The following ANKS1B variants were observed in gnomAD, a reference collection of about 807,000 sequenced individuals.
ANKS1B encodes the protein ankyrin repeat and sterile alpha motif domain containing 1B, also known as ankyrin repeat and sterile alpha motif domain-containing protein 1B.
A neutral mutation model predicts 148.3 loss-of-function variants in ANKS1B; 36 were observed. The ratio of observed to expected loss-of-function variants is 0.24; its 90% confidence interval spans 0.19 to 0.32. The LOEUF (loss-of-function observed/expected upper bound fraction) is 0.32. Among genes scored for constraint, ANKS1B ranks in the 10% least tolerant of loss-of-function variants. The pLI is 1.00. For synonymous variants in ANKS1B, 542 were observed against 560.8 expected (o/e 0.97, Z 0.47); for missense variants, 1,157 against 1,542.6 (o/e 0.75, Z 4.19).
chr12:99,464,611 C>G (rs1320519988), intron 10 of ANKS1B, among the ~76,000 whole-genome samples: 2 of 152,134 alleles, frequency 1.3e-5, no homozygotes, highest in East Asian at 3.9e-4. Flanking sequence ...GTTGATGGAG[C>G]TGAAAGCCAA....
At chr12:99,567,607 A>G (rs1490624018) in intron 9 of ANKS1B, among the ~76,000 whole-genome samples, 1 of 152,206 alleles carries the variant, frequency 6.6e-6, no homozygotes, top group East Asian at 1.9e-4. Flanking sequence ...AGTGGGTAAG[A>G]AAAGGTCCCT....
chr12:99,263,655 G>A lies in ANKS1B; in HGVS notation c.1757-16791C>T, dbSNP rs1255423740. Among the ~76,000 whole-genome samples the A allele has an allele frequency of 2.0e-5, 3 of 152,046 alleles. No homozygotes were observed. The South Asian group carries it at 6.2e-4, about 32-fold the overall frequency. On this transcript the variant is annotated intron_variant, in intron 12 of 26. Coordinates refer to ENST00000683438, the MANE Select transcript of ANKS1B (RefSeq NM_001352186.2). ...CCCCACTTGATTGGATCATGGGGGT[G>A]GTTTCCCCCATGCTGTTCTCATGAC...
chr12:98,792,652 C>A (rs2098890294), intron 22 of ANKS1B, among the ~76,000 whole-genome samples: 1 of 152,176 alleles, frequency 6.6e-6, no homozygotes, highest in Non-Finnish European at 1.5e-5. Flanking sequence ...CTATTCTCTA[C>A]TTGTATGAGA....
In ANKS1B at chr12:99,217,608, G is replaced by T. The variant is rs1473858940; in HGVS notation, c.2419+26734C>A. Among the ~76,000 whole-genome samples the T allele has an allele frequency of 3.3e-5, 5 of 152,080 alleles. No homozygotes were observed. The East Asian group carries it at 9.7e-4, about 29-fold the overall frequency. ...CACATTCCACCAGCAAAGTCCAGAG[G>T]CAGCATTTTGAATAGACCTGGTCCC... On this transcript the variant is annotated intron_variant, in intron 14 of 26. Coordinates refer to ENST00000683438, the MANE Select transcript of ANKS1B (RefSeq NM_001352186.2).
intron 25 of ANKS1B, among the ~76,000 whole-genome samples, chr12:98,754,324 G>C (rs996005059): frequency 4.6e-5 from 7 of 152,186 alleles, no homozygotes; most frequent in African/African-American, 1.7e-4. Context: ...CACAAAGAGG[G>C]CTGAGCTCTT....
At chr12:99,256,251 AAAAAAAAAAAG>A (rs1203890770) in intron 12 of ANKS1B, among the ~76,000 whole-genome samples, 15 of 149,232 alleles carry the variant, frequency 1.0e-4, no homozygotes, top group African/African-American at 2.2e-4. Context: ...CTCCATCTCA[AAAAAAAAAAAG>A]AAAAAAAAAA....
At chr12:99,806,751 T>C in intron 3 of ANKS1B, 51 bp from the exon 4 acceptor site, 4 of 1,543,126 alleles carry the variant, frequency 2.6e-6, no homozygotes, top group Non-Finnish European at 3.5e-6. Flanking sequence ...CAATTTGTTA[T>C]CAAAATCTTA....
chr12:99,770,287 C>T (rs1471466730), intron 8 of ANKS1B, among the ~76,000 whole-genome samples: 1 of 151,446 alleles, frequency 6.6e-6, no homozygotes, highest in Non-Finnish European at 1.5e-5. Flanking sequence ...ATAGTCTACA[C>T]ACTGTGACTG....
chr12:99,434,665 A>G (rs1029159348), intron 11 of ANKS1B, among the ~76,000 whole-genome samples: 2 of 152,108 alleles, frequency 1.3e-5, no homozygotes, highest in Non-Finnish European at 2.9e-5. Flanking sequence ...CCTCATCTTT[A>G]TAATGATTCA....
intron 17 of ANKS1B, among the ~76,000 whole-genome samples, chr12:98,918,553 T>C (rs1272619109): frequency 2.0e-5 from 3 of 152,226 alleles, no homozygotes; most frequent in Non-Finnish European, 2.9e-5. Flanking sequence ...ATGAATATCA[T>C]TGCACATCAG....
At chr12:99,665,314 C>A (rs775102481) in intron 8 of ANKS1B, among the ~76,000 whole-genome samples, 1 of 152,074 alleles carries the variant, frequency 6.6e-6, no homozygotes, top group South Asian at 2.1e-4. Context: ...GTAGAGTTAT[C>A]GCAATAGTAT....
At chr12:99,276,426 A>G (rs928403013) in intron 12 of ANKS1B, among the ~76,000 whole-genome samples, 1 of 152,198 alleles carries the variant, frequency 6.6e-6, no homozygotes, top group Non-Finnish European at 1.5e-5. Context: ...ATTCAGTATT[A>G]CTGATGTCCT....
At chr12:99,187,582 C>T (rs2080045025) in intron 14 of ANKS1B, among the ~76,000 whole-genome samples, 1 of 152,138 alleles carries the variant, frequency 6.6e-6, no homozygotes, top group Non-Finnish European at 1.5e-5. Context: ...AATTTCATAT[C>T]CAGCCAAACT....
At chr12:99,722,517 A>T (rs914125361) in intron 8 of ANKS1B, among the ~76,000 whole-genome samples, 13 of 152,356 alleles carry the variant, frequency 8.5e-5, no homozygotes, top group African/African-American at 3.1e-4. Flanking sequence ...GACCATTTTA[A>T]GCCCACTGTT....
intron 13 of ANKS1B, 126 bp from the exon 14 acceptor site, chr12:99,244,540 A>G: frequency 1.9e-6 from 1 of 518,968 alleles, no homozygotes; most frequent in Non-Finnish European, 3.3e-6. Context: ...CACAGTTAAG[A>G]GATGCATAGC....
intron 8 of ANKS1B, among the ~76,000 whole-genome samples, chr12:99,760,083 T>C (rs1028387904): frequency 8.6e-5 from 13 of 151,910 alleles, no homozygotes; most frequent in African/African-American, 3.1e-4. Context: ...CTGCCCTTAA[T>C]AGAATGCTCA....
chr12:99,025,045 G>A (rs59933236), intron 17 of ANKS1B, among the ~76,000 whole-genome samples: 3 of 152,134 alleles, frequency 2.0e-5, no homozygotes, highest in East Asian at 1.9e-4. Flanking sequence ...GTGATTCCCC[G>A]GTAACTCTGT....
intron 14 of ANKS1B, among the ~76,000 whole-genome samples, chr12:99,170,993 T>C (rs1348732152): frequency 2.6e-5 from 4 of 152,202 alleles, no homozygotes; most frequent in African/African-American, 9.6e-5. Context: ...CATAATTTCT[T>C]AAGAAGGCTA....
intron 12 of ANKS1B, among the ~76,000 whole-genome samples, chr12:99,291,350 A>G (rs1363621390): frequency 6.6e-6 from 1 of 152,188 alleles, no homozygotes; most frequent in African/African-American, 2.4e-5. Context: ...TGCAATCCCT[A>G]TCAAATATCA....
Sources: gnomAD v4.1 joint callset for allele counts (sites outside exome capture counted in the v4.1 genomes callset) on GRCh38, gnomAD v4.1.1 for gene constraint, MANE v1.5 for transcripts, NCBI Gene and HGNC (gene_info 2026-07-23, HGNC 2026-07-21) for gene names.